The following PRRC2C variants were observed in gnomAD, a reference collection of about 807,000 sequenced individuals.
PRRC2C encodes the protein protein PRRC2C.
A neutral mutation model predicts 317.2 loss-of-function variants in PRRC2C; 72 were observed. The ratio of observed to expected loss-of-function variants is 0.23; its 90% CI spans 0.19 to 0.28. The LOEUF (loss-of-function observed/expected upper bound fraction) is 0.28. Among genes scored for constraint, PRRC2C ranks in the 10% least tolerant of loss-of-function variants. PRRC2C has a pLI of 1.00. For synonymous variants in PRRC2C, 1,296 were observed against 1,205.9 expected, an observed-to-expected ratio of 1.07 and a Z score of -1.55; for missense variants, 3,074 against 3,459.7, an observed-to-expected ratio of 0.89 and a Z score of 2.80.
intron 24 of PRRC2C, 120 bp from the exon 25 acceptor site, chr1:171,574,807 T>TTG (rs373614664): frequency 3.3e-6 from 3 of 915,454 alleles, no homozygotes; most frequent in Non-Finnish European, 5.0e-6. Flanking sequence ...TTAAATATCT[T>TTG]TGTGTGTGTG....
chr1:171,577,606 T>A lies in PRRC2C; in HGVS notation c.7128T>A (p.Asn2376Lys), dbSNP rs770884700. 6 of 1,613,632 alleles carry A rather than the reference T, an allele frequency of 3.7e-6. No individual in the cohort carries two copies. The highest frequency in any genetic ancestry group is 5.1e-6 in the Non-Finnish European group (6 of 1,179,770). Residue 2376 changes from asparagine (N) to lysine (K), a missense_variant, in exon 26 of 35, where the codon AAT becomes AAA. Physicochemically the swap from Asn to Lys is moderately conservative, Grantham distance 94. This residue lies in a region of PRRC2C where 490 missense variants were observed against 663.1 expected (regional missense o/e 0.74). Coordinates refer to ENST00000647382, the MANE Select transcript of PRRC2C (RefSeq NM_001387844.1). ...MPSLIAQQQQ[N>K]PQVYVSQSAA... Reference sequence around the variant, plus strand: ...CCCTTATTGCCCAGCAGCAACAGAATCCGCAAGTTTATGTGTCTCAGTCTG... The same window carrying A: ...CCCTTATTGCCCAGCAGCAACAGAAACCGCAAGTTTATGTGTCTCAGTCTG...
intron 20 of PRRC2C, among the ~76,000 whole-genome samples, chr1:171,565,529 C>T (rs1198113235): frequency 6.6e-6 from 1 of 152,190 alleles, no homozygotes; most frequent in Non-Finnish European, 1.5e-5. Context: ...CTCACTGCAA[C>T]GTCCACCTCC....
chr1:171,493,143 G>A (rs1422519232), intron 1 of PRRC2C, among the ~76,000 whole-genome samples: 1 of 152,076 alleles, frequency 6.6e-6, no homozygotes, highest in East Asian at 1.9e-4. Flanking sequence ...AGTGGTAGAA[G>A]AAGAGGGCCA....
chr1:171,587,362 T>A (rs1650277361), intron 31 of PRRC2C, 141 bp downstream of exon 31: 2 of 813,726 alleles, frequency 2.5e-6, no homozygotes, highest in Admixed American at 6.0e-5. Context: ...ATATTTACAT[T>A]TTATCTATTT....
chr1:171,537,241 T>G, intron 14 of PRRC2C, 22 bp from the exon 15 acceptor site: 13 of 1,534,350 alleles, frequency 8.5e-6, no homozygotes, highest in Non-Finnish European at 1.1e-5. Flanking sequence ...TCATTTCACC[T>G]TTTTCTGAAC....
intron 1 of PRRC2C, among the ~76,000 whole-genome samples, chr1:171,500,706 A>G (rs1668942141): frequency 6.6e-6 from 1 of 152,162 alleles, no homozygotes; most frequent in South Asian, 2.1e-4. Context: ...TAAAAGGTTA[A>G]TGTATATATT....
chr1:171,518,661 CTTTTTTTT>C (rs386368727), intron 6 of PRRC2C, among the ~76,000 whole-genome samples: 1 of 58,142 alleles, frequency 1.7e-5, no homozygotes, highest in Non-Finnish European at 2.9e-5. Flanking sequence ...CCACACCTGG[CTTTTTTTT>C]TTTTTTTTTT....
chr1:171,567,558 A>G (rs1683916261), intron 22 of PRRC2C, among the ~76,000 whole-genome samples: 2 of 152,218 alleles, frequency 1.3e-5, no homozygotes, highest in African/African-American at 4.8e-5. Flanking sequence ...ATATTTCAAA[A>G]TGAGATTTGT....
At chr1:171,569,319 C>T (rs1303649623) in intron 23 of PRRC2C, among the ~76,000 whole-genome samples, 1 of 151,598 alleles carries the variant, frequency 6.6e-6, no homozygotes, top group Non-Finnish European at 1.5e-5. Context: ...TATCTTCTTA[C>T]TTTTTTTCTA....
chr1:171,523,873 T>C (rs1355943313), intron 9 of PRRC2C, among the ~76,000 whole-genome samples: 1 of 151,936 alleles, frequency 6.6e-6, no homozygotes, highest in Non-Finnish European at 1.5e-5. Context: ...CCATCTCTAC[T>C]AAAAATACAA....
intron 6 of PRRC2C, among the ~76,000 whole-genome samples, chr1:171,521,614 C>T (rs1006098349): frequency 3.3e-5 from 5 of 152,166 alleles, no homozygotes; most frequent in African/African-American, 1.2e-4. Context: ...TTCCCCACGC[C>T]TGCCACCCCT....
At chr1:171,552,881 A>G (rs180768550) in intron 18 of PRRC2C, among the ~76,000 whole-genome samples, 14 of 151,878 alleles carry the variant, frequency 9.2e-5, no homozygotes, top group Admixed American at 7.9e-4. Context: ...TTTATTGAGG[A>G]TTTTTGCATC....
At chr1:171,562,087 G>C (rs560154855) in intron 20 of PRRC2C, among the ~76,000 whole-genome samples, 1 of 152,190 alleles carries the variant, frequency 6.6e-6, no homozygotes, top group Non-Finnish European at 1.5e-5. Flanking sequence ...CACAAAGACA[G>C]TTTAATATAG....
chr1:171,573,715 G>T (rs1685192335), intron 24 of PRRC2C, among the ~76,000 whole-genome samples: 1 of 106,746 alleles, frequency 9.4e-6, no homozygotes, highest in Non-Finnish European at 1.7e-5. Context: ...GCCTCGTTCT[G>T]TCGCCCAGGC....
chr1:171,527,102 G>A (rs1249208151), intron 10 of PRRC2C, among the ~76,000 whole-genome samples: 9 of 148,742 alleles, frequency 6.1e-5, no homozygotes, highest in Non-Finnish European at 1.2e-4. Context: ...CACCGTGCCC[G>A]GCTGAAATAT....
intron 2 of PRRC2C, chr1:171,512,757 G>A (rs1483197420): frequency 2.6e-6 from 1 of 385,860 alleles, no homozygotes; most frequent in African/African-American, 2.1e-5. Flanking sequence ...TTTCTGTAGT[G>A]TGTTGAATTG....
intron 34 of PRRC2C, among the ~76,000 whole-genome samples, chr1:171,590,525 C>G (rs1332021613): frequency 6.6e-6 from 1 of 152,134 alleles, no homozygotes; most frequent in African/African-American, 2.4e-5. Context: ...CATAGTAATG[C>G]TTTACTCTGA....
chr1:171,489,116 GTTA>G (rs1216413486), intron 1 of PRRC2C, among the ~76,000 whole-genome samples: 1 of 152,064 alleles, frequency 6.6e-6, no homozygotes, highest in Admixed American at 6.5e-5. Flanking sequence ...GAGTTTATAT[GTTA>G]TTGAATGAAT....
At position 171,535,585 on chromosome 1, in the gene PRRC2C, C is replaced by T. The variant is rs1395126339; in HGVS notation, c.2031C>T (p.Phe677=). 6.2e-7 allele frequency: 1 copy of T among 1,613,602 alleles called. No individual in the cohort carries two copies. Among genetic ancestry groups the T allele is most frequent in the Non-Finnish European group, 8.5e-7 (1 of 1,179,790 alleles). The change falls in exon 13 of 35, where the codon TTC becomes TTT. Residue 677 remains phenylalanine (F), a synonymous_variant. Transcript: ENST00000647382. Reference sequence around the variant, plus strand: ...TTCAGAAGTCTTTACCTCCACGATTCCAGCGGCAGCAGGTAATGATAAAAA... The same window carrying T: ...TTCAGAAGTCTTTACCTCCACGATTTCAGCGGCAGCAGGTAATGATAAAAA... The part of the protein sequence containing the change: ...KQFQKSLPPR[F]QRQQEQMKQQ...
Sources: allele counts gnomAD v4.1 joint callset (sites outside exome capture counted in the v4.1 genomes callset), GRCh38; gene constraint gnomAD v4.1.1; regional missense constraint gnomAD v4.1.1; transcripts MANE v1.5; gene names NCBI Gene and HGNC (gene_info 2026-07-23, HGNC 2026-07-21).